The following DAG1 variants were observed in gnomAD, a reference collection of about 807,000 sequenced individuals.
DAG1 encodes the protein dystroglycan 1 (dystrophin-associated glycoprotein 1).
In DAG1, 8 loss-of-function variants were observed where a neutral mutation model predicts 46.1. The observed-to-expected ratio is 0.17, with a 90% CI of 0.10 to 0.31. DAG1 has a LOEUF of 0.31. Ranked by LOEUF, DAG1 falls within the 10% of genes least tolerant of loss-of-function variation. The pLI is 1.00. For missense variants in DAG1, 1,003 were observed against 1,189.9 expected, an observed-to-expected ratio of 0.84 and a Z score of 2.31; for synonymous variants, 495 against 481.8, an observed-to-expected ratio of 1.03 and a Z score of -0.36.
At chr3:49,513,251 G>T (rs1284303577) in intron 2 of DAG1, among the ~76,000 whole-genome samples, 1 of 152,166 alleles carries the variant, frequency 6.6e-6, no homozygotes, top group East Asian at 1.9e-4. Flanking sequence ...CTGTTGGTCA[G>T]TGTCCTTGAT....
chr3:49,525,241 G>A (rs2051136114), intron 2 of DAG1, among the ~76,000 whole-genome samples: 1 of 152,200 alleles, frequency 6.6e-6, no homozygotes, highest in African/African-American at 2.4e-5. Flanking sequence ...CACCTGTCCT[G>A]CAGCCAGGTA....
intron 1 of DAG1, among the ~76,000 whole-genome samples, chr3:49,478,917 G>A (rs9809237): frequency 0.74 from 110,026 of 148,516 alleles, 41,130 homozygotes; most frequent in East Asian, 0.99. Context: ...GGGTTCAAGC[G>A]ATTCTCCTGC....
intron 2 of DAG1, 180 bp downstream of exon 2, chr3:49,510,999 C>T (rs530368805): frequency 1.0e-6 from 1 of 978,852 alleles, no homozygotes; most frequent in South Asian, 4.7e-5. Context: ...AGAATAGCAT[C>T]CTAAACTGTA....
At chr3:49,469,463 C>A (rs988190924), upstream of DAG1, among the ~76,000 whole-genome samples, 1 of 152,054 alleles carries the variant, frequency 6.6e-6, no homozygotes. Flanking sequence ...CAGGCAGCAA[C>A]CCCCCTCTCT....
In DAG1 at chr3:49,531,633, C is replaced by T. The variant is rs139993618; in HGVS notation, c.1122C>T (p.Gly374=). The T allele has an allele frequency of 5.8e-5, 94 of 1,612,766 alleles. 3 individuals are homozygous for T. The South Asian group carries it at 6.5e-4, about 11-fold the overall frequency. ...CCACGGTCACCATCCGGACTCGAGG[C>T]GCCATTATTCAAACCCCAACCCTAG... ...GKPTVTIRTR[G]AIIQTPTLGP... Residue 374 remains glycine (G), a synonymous_variant, in exon 3 of 3, where the codon GGC becomes GGT. Transcript: ENST00000308775. This position sits in a 1 kb window ranked among gnomAD's most constrained non-coding sequence, Gnocchi z 7.0.
intron 1 of DAG1, among the ~76,000 whole-genome samples, chr3:49,497,308 G>A (rs1188522840): frequency 1.3e-5 from 2 of 151,908 alleles, no homozygotes; most frequent in African/African-American, 4.8e-5. Context: ...GTCATAGTGG[G>A]CACCTATAAT....
At chr3:49,516,420 A>G (rs1404412953) in intron 2 of DAG1, among the ~76,000 whole-genome samples, 1 of 152,232 alleles carries the variant, frequency 6.6e-6, no homozygotes, top group Admixed American at 6.5e-5. Flanking sequence ...CCCACAGTGT[A>G]CTATGGTCTT....
chr3:49,514,653 G>C (rs1223136564), intron 2 of DAG1, among the ~76,000 whole-genome samples: 1 of 151,252 alleles, frequency 6.6e-6, no homozygotes, highest in Non-Finnish European at 1.5e-5. Flanking sequence ...GTGTTTTTTT[G>C]GGGGGATGGA....
At chr3:49,514,853 A>T (rs933929147) in intron 2 of DAG1, among the ~76,000 whole-genome samples, 1 of 151,460 alleles carries the variant, frequency 6.6e-6, no homozygotes, top group Non-Finnish European at 1.5e-5. Flanking sequence ...ACATAGACAC[A>T]CACACACATA....
chr3:49,482,579 T>C lies in DAG1; in HGVS notation c.-117+12146T>C, dbSNP rs143896755. Among the ~76,000 whole-genome samples, 649 of 152,344 alleles carry C rather than the reference T, an allele frequency of 4.3e-3. 9 individuals carry two copies. The highest frequency in any genetic ancestry group is 0.014 in the African/African-American group (580 of 41,578). Reference sequence around the variant, plus strand: ...TGGAGAGAAACATAAATCTGGCTTATGTGTACGTCCATCCAGTCACAGTAC... The same window carrying C: ...TGGAGAGAAACATAAATCTGGCTTACGTGTACGTCCATCCAGTCACAGTAC... On this transcript the variant is annotated intron_variant, in intron 1 of 2. Coordinates refer to ENST00000308775, the MANE Select transcript of DAG1 (RefSeq NM_004393.6).
Position 49,490,590 on chromosome 3 carries a change from G to A in DAG1, c.-116-19829G>A, listed in dbSNP as rs532873615. Among the ~76,000 whole-genome samples the A allele has an allele frequency of 2.7e-5, 4 of 148,988 alleles. No homozygotes were observed. The South Asian group carries it at 8.4e-4, about 31-fold the overall frequency. ...TTATTCTTTTATTTTTTTTTTTTGG[G>A]ACAGGGTCTTGCTCTGTCACCTAGG... On this transcript the variant is annotated intron_variant, in intron 1 of 2. Transcript: ENST00000308775.
At chr3:49,483,650 A>T (rs924386013) in intron 1 of DAG1, among the ~76,000 whole-genome samples, 1 of 151,560 alleles carries the variant, frequency 6.6e-6, no homozygotes, top group African/African-American at 2.4e-5. Flanking sequence ...TCTACCTCTT[A>T]TGTGAGGTAT....
intron 1 of DAG1, among the ~76,000 whole-genome samples, chr3:49,482,674 A>G (rs2049919423): frequency 6.6e-6 from 1 of 152,154 alleles, no homozygotes; most frequent in Non-Finnish European, 1.5e-5. Flanking sequence ...TGATGCAAAT[A>G]TTACACCATT....
chr3:49,499,562 T>C (rs1338785579), intron 1 of DAG1, among the ~76,000 whole-genome samples: 4 of 152,248 alleles, frequency 2.6e-5, no homozygotes, highest in Non-Finnish European at 4.4e-5. Context: ...ATTTATTAAC[T>C]GAGTTCCCTG....
chr3:49,490,575 ATT>A (rs1050421982), intron 1 of DAG1, among the ~76,000 whole-genome samples: 1 of 138,390 alleles, frequency 7.2e-6, no homozygotes, highest in Non-Finnish European at 1.6e-5. Flanking sequence ...TTATTCTTTT[ATT>A]TTTTTTTTTT....
chr3:49,503,288 GTTAC>G (rs1162661353), intron 1 of DAG1, among the ~76,000 whole-genome samples: 1 of 152,118 alleles, frequency 6.6e-6, no homozygotes, highest in Non-Finnish European at 1.5e-5. Flanking sequence ...GGTTTTTGCT[GTTAC>G]TTTAATTTTC....
chr3:49,508,779 T>C (rs1441965144), intron 1 of DAG1, among the ~76,000 whole-genome samples: 2 of 152,202 alleles, frequency 1.3e-5, no homozygotes, highest in Non-Finnish European at 2.9e-5. Context: ...ACCTCCTGTC[T>C]CAGCCTCCCA....
At chr3:49,514,972 G>C (rs1575392429) in intron 2 of DAG1, among the ~76,000 whole-genome samples, 2 of 152,040 alleles carry the variant, frequency 1.3e-5, no homozygotes, top group Admixed American at 1.3e-4. Flanking sequence ...CTATTCTTCT[G>C]CCTCAGCCTC....
Position 49,532,165 on chromosome 3 carries a change from G to A in DAG1, c.1654G>A (p.Val552Ile). ...EQQLVGEKSW[V>I]QFNSNSQLMY... ...GCAGCTGGTGGGCGAGAAGTCCTGGGTACAGTTCAACAGCAACAGCCAGCT... is the reference window on the plus strand; with the variant it reads ...GCAGCTGGTGGGCGAGAAGTCCTGGATACAGTTCAACAGCAACAGCCAGCT... Residue 552 changes from valine to isoleucine, a missense_variant, in exon 3 of 3, where the codon GTA (valine) becomes ATA (isoleucine). Val to Ile is a conservative substitution (Grantham distance 29). Transcript: ENST00000308775. The surrounding 1 kb of genome is among the most constrained non-coding windows in gnomAD (Gnocchi z 5.4). The A allele has an allele frequency of 1.2e-6, 2 of 1,614,214 alleles. No homozygotes were observed. The highest frequency in any genetic ancestry group is 1.7e-6 in the Non-Finnish European group (2 of 1,180,036).
Sources: gnomAD v4.1 joint callset for allele counts (sites outside exome capture counted in the v4.1 genomes callset) on GRCh38, gnomAD v4.1.1 for gene constraint, Gnocchi (gnomAD v3.1) non-coding constraint, MANE v1.5 for transcripts, NCBI Gene and HGNC (gene_info 2026-07-23, HGNC 2026-07-21) for gene names.